Variants in NUBP1 observed in about 807,000 individuals in gnomAD.
NUBP1 encodes the protein NUBP iron-sulfur cluster assembly factor 1, cytosolic.
NUBP1 carries 46 observed loss-of-function variants against 41.8 expected under a neutral mutation model. The ratio of observed to expected loss-of-function variants is 1.10; its 90% CI spans 0.87 to 1.41. NUBP1 has a LOEUF of 1.41. Ranked by LOEUF, NUBP1 falls within the 40% of genes most tolerant of loss-of-function variation. The pLI is 0.00. For missense variants in NUBP1, 494 were observed against 414.0 expected (o/e 1.19, Z -1.68); for synonymous variants, 189 against 154.6 (o/e 1.22, Z -1.65).
At chr16:10,760,512 G>A (rs768616051) in intron 7 of NUBP1, among the ~76,000 whole-genome samples, 9 of 152,234 alleles carry the variant, frequency 5.9e-5, no homozygotes, top group Non-Finnish European at 1.3e-4. Context: ...CTGGGAGGCC[G>A]AGGCAGGAGG....
Position 10,747,163 on chromosome 16 carries a change from A to G in NUBP1, c.145A>G (p.Lys49Glu). The change falls in exon 3 of 11, where the codon AAA becomes GAA. Residue 49 changes from lysine to glutamate, a missense_variant. Coordinates refer to ENST00000283027, the MANE Select transcript of NUBP1 (RefSeq NM_002484.4). ...TGCAGCTATAGAGGAAATCAAAGAG[A>G]AAATGAAGACTGTAAAACACAAAAT... is the stretch of plus-strand genomic sequence containing the variant. ...PDTAIEEIKE[K>E]MKTVKHKILV... 6.2e-7 allele frequency: 1 copy of G among 1,614,186 alleles called. No homozygotes were observed. The highest frequency in any genetic ancestry group is 8.5e-7 in the Non-Finnish European group (1 of 1,180,018).
chr16:10,752,604 C>T lies in NUBP1; in HGVS notation c.259-6C>T, dbSNP rs367946901. 5.6e-6 allele frequency: 9 copies of T among 1,612,786 alleles called. No homozygotes were observed. In the African/African-American group the frequency reaches 6.7e-5, roughly 12 times the overall value. The stretch of plus-strand genomic sequence containing the variant: ...TATAACCGCTTTGGTCTCTTCTTGT[C>T]CCCAGATTGCTCTTCTAGACATCGA... On this transcript the variant is annotated splice_polypyrimidine_tract_variant and splice_region_variant and intron_variant, in intron 3 of 10. Coordinates refer to ENST00000283027, the MANE Select transcript of NUBP1 (RefSeq NM_002484.4).
At position 10,768,980 on chromosome 16, in the gene NUBP1, C is replaced by T; in HGVS notation, c.905-67C>T. The T allele has an allele frequency of 7.0e-7, 1 of 1,424,214 alleles. No individual in the cohort carries two copies. The highest frequency in any genetic ancestry group is 2.3e-5 in the East Asian group (1 of 43,972). 88.2% of individuals were successfully genotyped at this position (1,424,214 alleles called of 1,614,324 possible). A position where few individuals can be genotyped will look rare whatever the true frequency, so the allele number is the denominator to read the frequency against. ...CCTGTCAAAACACAGCCCTCCCCAG[C>T]ACAGGACAGGGCTGTCAAGGGGTAG... On this transcript the variant is annotated intron_variant, in intron 10 of 10. Coordinates refer to ENST00000283027, the MANE Select transcript of NUBP1 (RefSeq NM_002484.4). The surrounding 1 kb of genome is among the most constrained non-coding windows in gnomAD (Gnocchi z 4.3).
intron 9 of NUBP1, among the ~76,000 whole-genome samples, chr16:10,762,546 C>G (rs186430761): frequency 6.6e-6 from 1 of 152,166 alleles, no homozygotes; most frequent in Non-Finnish European, 1.5e-5. Flanking sequence ...CCCCCAGGAC[C>G]GCGGAGCCGG....
chr16:10,767,787 G>A lies in NUBP1; in HGVS notation c.821-162G>A. 1.6e-6 allele frequency: 1 copy of A among 630,316 alleles called. No homozygotes were observed. The highest frequency in any genetic ancestry group is 2.8e-6 in the Non-Finnish European group (1 of 359,342). 39.0% of individuals were successfully genotyped at this position (630,316 alleles called of 1,614,324 possible). A position where few individuals can be genotyped will look rare whatever the true frequency, so the allele number is the denominator to read the frequency against. On this transcript the variant is annotated intron_variant, in intron 9 of 10. Transcript: ENST00000283027. The surrounding 1 kb of genome is among the most constrained non-coding windows in gnomAD (Gnocchi z 4.6). ...TGGCTGGGGACCCTGCTGGAAGGAA[G>A]GTCCCTGAGACCCCACTGGTCTTTT...
intron 5 of NUBP1, among the ~76,000 whole-genome samples, chr16:10,756,062 A>G (rs909433529): frequency 6.6e-6 from 1 of 152,190 alleles, no homozygotes; most frequent in Non-Finnish European, 1.5e-5. Context: ...CCTGAAGTCC[A>G]TAGTTTGTAA....
chr16:10,762,314 G>T (rs984539161), intron 9 of NUBP1, among the ~76,000 whole-genome samples: 1 of 152,188 alleles, frequency 6.6e-6, no homozygotes, highest in Non-Finnish European at 1.5e-5. Context: ...AGACCGGAAC[G>T]CGGATCACTG....
At chr16:10,753,478 A>C (rs1177611346) in intron 4 of NUBP1, among the ~76,000 whole-genome samples, 1 of 151,764 alleles carries the variant, frequency 6.6e-6, no homozygotes, top group Non-Finnish European at 1.5e-5. Flanking sequence ...TGCTAGCAAG[A>C]AGCTCTCCAA....
At chr16:10,754,398 A>G (rs2142704364) in intron 4 of NUBP1, among the ~76,000 whole-genome samples, 1 of 151,996 alleles carries the variant, frequency 6.6e-6, no homozygotes, top group Admixed American at 6.5e-5. Flanking sequence ...ACACGCCACC[A>G]CGTCCAGCTA....
intron 10 of NUBP1, 37 bp from the exon 11 acceptor site, chr16:10,769,010 G>A (rs2031306628): frequency 6.2e-7 from 1 of 1,603,350 alleles, no homozygotes; most frequent in African/African-American, 1.3e-5. Context: ...GGGTAGACAA[G>A]CCATTAGCAC....
In NUBP1 at chr16:10,765,280, C is replaced by T. The variant is rs958744651; in HGVS notation, c.821-2669C>T. 2.8e-5 allele frequency: 4 copies of T among 144,634 alleles called. No individual in the cohort carries two copies. Among genetic ancestry groups the T allele is most frequent in the Non-Finnish European group, 6.0e-5 (4 of 67,076 alleles). 9.0% of individuals were successfully genotyped at this position (144,634 alleles called of 1,614,324 possible). Reference sequence around the variant, plus strand: ...CATTAAATACACACACACACACACACACAACCATGCTCTAGCCTGGGTAAC... The same window carrying T: ...CATTAAATACACACACACACACACATACAACCATGCTCTAGCCTGGGTAAC... On this transcript the variant is annotated intron_variant, in intron 9 of 10. Coordinates refer to ENST00000283027, the MANE Select transcript of NUBP1 (RefSeq NM_002484.4). The surrounding 1 kb of genome is among the most constrained non-coding windows in gnomAD (Gnocchi z 4.0).
chr16:10,744,989 C>T (rs528917721), intron 2 of NUBP1, among the ~76,000 whole-genome samples: 23 of 151,718 alleles, frequency 1.5e-4, no homozygotes, highest in African/African-American at 5.3e-4. Context: ...AACTCCTGAC[C>T]TCAAGTGATG....
rs980375641 is a variant in NUBP1, at chr16:10,750,118, A to G, written c.259-2492A>G. Among the ~76,000 whole-genome samples the G allele has an allele frequency of 2.6e-5, 4 of 152,206 alleles. No individual in the cohort carries two copies. The East Asian group carries it at 7.7e-4, about 29-fold the overall frequency. ...GAGACTGAGGTAGGAGGATCACTTG[A>G]GCCTGGGAAGTCAAGGCTGCAGTGA... On this transcript the variant is annotated intron_variant, in intron 3 of 10. Transcript: ENST00000283027.
chr16:10,747,742 T>C (rs1278347909), intron 3 of NUBP1, among the ~76,000 whole-genome samples: 1 of 152,240 alleles, frequency 6.6e-6, no homozygotes, highest in East Asian at 1.9e-4. Flanking sequence ...TTTCACTGGA[T>C]TCCCTAGCCA....
At chr16:10,744,135 A>C in intron 2 of NUBP1, 70 bp downstream of exon 2, 31 of 382,164 alleles carry the variant, frequency 8.1e-5, no homozygotes, top group East Asian at 3.3e-4. Context: ...CGTGGGAGGG[A>C]GGGGGCGGGA....
At position 10,757,882 on chromosome 16, in the gene NUBP1, A is replaced by G; in HGVS notation, c.461A>G (p.Lys154Arg). 6.2e-7 allele frequency: 1 copy of G among 1,613,780 alleles called. No homozygotes were observed. The highest frequency in any genetic ancestry group is 8.5e-7 in the Non-Finnish European group (1 of 1,179,690). Residue 154 changes from lysine to arginine, a missense_variant, in exon 7 of 11, where the codon AAG becomes AGG. By Grantham distance (26) the Lys-to-Arg change is conservative (BLOSUM62 2). Transcript: ENST00000283027. This position sits in a 1 kb window ranked among gnomAD's most constrained non-coding sequence, Gnocchi z 4.1. Reference sequence around the variant, plus strand: ...GGATTCCTCTTTCTAGGCATGATCAAGCAGTTCCTCCGAGATGTGGACTGG... The same window carrying G: ...GGATTCCTCTTTCTAGGCATGATCAGGCAGTTCCTCCGAGATGTGGACTGG... ...WRGPKKNGMI[K>R]QFLRDVDWGE...
Position 10,747,293 on chromosome 16 carries a change from C to T in NUBP1, c.258+17C>T, listed in dbSNP as rs779544825. 1.4e-5 allele frequency: 22 copies of T among 1,611,072 alleles called. No individual in the cohort carries two copies. The highest frequency in any genetic ancestry group is 1.9e-5 in the Non-Finnish European group (22 of 1,179,078). On this transcript the variant is annotated intron_variant, in intron 3 of 10. Transcript: ENST00000283027. ...AACACACAGGTGAGACCTCAGGAAC[C>T]ACTGGGAGATGCTCATTTTGTCTGA...
rs1197205546 is a variant in NUBP1 at position 10,757,501 on chromosome 16, C to G, written c.452-372C>G. On this transcript the variant is annotated intron_variant, in intron 6 of 10. Transcript: ENST00000283027. The surrounding 1 kb of genome is among the most constrained non-coding windows in gnomAD (Gnocchi z 4.1). ...GTTGGGGGGAGGAGTAGACCGTGTT[C>G]TACACCATAGGGTGTTAAACAGTGT... Among the ~76,000 whole-genome samples, 1 of 152,098 alleles carries G rather than the reference C, an allele frequency of 6.6e-6. No individual in the cohort carries two copies. Among genetic ancestry groups the G allele is most frequent in the Non-Finnish European group, 1.5e-5 (1 of 68,024 alleles).
In NUBP1 at chr16:10,767,956, T is replaced by A. The variant is rs747491057; in HGVS notation, c.828T>A (p.Asn276Lys). 1 of 1,614,172 alleles carries A rather than the reference T, an allele frequency of 6.2e-7. No individual in the cohort carries two copies. Among genetic ancestry groups the A allele is most frequent in the South Asian group, 1.1e-5 (1 of 91,078 alleles). The part of the protein sequence containing the change: ...RVPLDPLIGK[N>K]CDKGQSFFID... ...GTTTGTTTCTTTTTTAAGGTAAGAA[T>A]TGTGACAAAGGCCAGTCTTTTTTCA... Residue 276 changes from asparagine to lysine, a missense_variant, in exon 10 of 11, where the codon AAT becomes AAA. By Grantham distance (94) the Asn-to-Lys change is moderately conservative (BLOSUM62 0). Transcript: ENST00000283027. The surrounding 1 kb of genome is among the most constrained non-coding windows in gnomAD (Gnocchi z 4.6).
Sources: gnomAD v4.1 joint callset for allele counts (sites outside exome capture counted in the v4.1 genomes callset) on GRCh38, gnomAD v4.1.1 for gene constraint, Gnocchi (gnomAD v3.1) non-coding constraint, MANE v1.5 for transcripts, NCBI Gene and HGNC (gene_info 2026-07-23, HGNC 2026-07-21) for gene names.